CHCHD3: variants seen among roughly 807,000 people sequenced by gnomAD.
CHCHD3 encodes the protein MICOS complex subunit MIC19.
Under a neutral mutation model 38.2 loss-of-function variants are expected in CHCHD3, and 20 were observed. The ratio of observed to expected loss-of-function variants is 0.52; its 90% confidence interval spans 0.37 to 0.76. The LOEUF is 0.76. Ranked by LOEUF, CHCHD3 falls within the 30% of genes least tolerant of loss-of-function variation. CHCHD3 has a pLI of 0.00. For missense variants in CHCHD3, 245 were observed against 279.2 expected, an observed-to-expected ratio of 0.88 and a Z score of 0.87; for synonymous variants, 82 against 100.0, an observed-to-expected ratio of 0.82 and a Z score of 1.07.
intron 3 of CHCHD3, among the ~76,000 whole-genome samples, chr7:133,017,857 C>A (rs907480249): frequency 1.3e-5 from 2 of 152,192 alleles, no homozygotes; most frequent in African/African-American, 4.8e-5. Context: ...TATAAAAAAG[C>A]AGTTGGCTAT....
At chr7:132,859,875 C>T (rs1808437955) in intron 5 of CHCHD3, among the ~76,000 whole-genome samples, 1 of 152,206 alleles carries the variant, frequency 6.6e-6, no homozygotes, top group African/African-American at 2.4e-5. Flanking sequence ...TGACAACTCC[C>T]AGATCTATAT....
At chr7:133,034,936 G>T (rs1259984431) in intron 2 of CHCHD3, 1 of 1,604,104 alleles carries the variant, frequency 6.2e-7, no homozygotes. Flanking sequence ...AGTTCTTCAG[G>T]GAAGCGATAC....
At chr7:132,866,556 A>G (rs1477056507) in intron 5 of CHCHD3, among the ~76,000 whole-genome samples, 1 of 152,172 alleles carries the variant, frequency 6.6e-6, no homozygotes, top group Non-Finnish European at 1.5e-5. Flanking sequence ...AAGGTGTGTA[A>G]AGTCACAGAG....
chr7:132,972,032 G>C (rs1017793857), intron 4 of CHCHD3, among the ~76,000 whole-genome samples: 1 of 152,076 alleles, frequency 6.6e-6, no homozygotes, highest in African/African-American at 2.4e-5. Context: ...GGAGGGTGGT[G>C]GGATACATAA....
intron 4 of CHCHD3, among the ~76,000 whole-genome samples, chr7:132,938,971 C>A (rs1206938352): frequency 6.6e-6 from 1 of 152,146 alleles, no homozygotes; most frequent in Non-Finnish European, 1.5e-5. Context: ...GGAAACAGTA[C>A]CTGCTAAGAA....
intron 6 of CHCHD3, among the ~76,000 whole-genome samples, chr7:132,810,887 G>C (rs1807053926): frequency 6.6e-6 from 1 of 151,956 alleles, no homozygotes; most frequent in African/African-American, 2.4e-5. Flanking sequence ...CAAAACTAGG[G>C]AAACTAGAAT....
chr7:132,887,606 C>T (rs906300476), intron 4 of CHCHD3, among the ~76,000 whole-genome samples: 2 of 149,052 alleles, frequency 1.3e-5, no homozygotes, highest in South Asian at 2.2e-4. Flanking sequence ...CCTCATCCCC[C>T]ACTCCTCTCC....
At chr7:132,984,864 C>T (rs1233129004) in intron 3 of CHCHD3, among the ~76,000 whole-genome samples, 1 of 111,146 alleles carries the variant, frequency 9.0e-6, no homozygotes, top group Non-Finnish European at 2.0e-5. Flanking sequence ...GGGTCAGCCC[C>T]CCACCCGGCC....
chr7:132,818,104 C>T (rs1406016857), intron 6 of CHCHD3, among the ~76,000 whole-genome samples: 2 of 152,116 alleles, frequency 1.3e-5, no homozygotes, highest in Non-Finnish European at 2.9e-5. Flanking sequence ...GCTATGGTTA[C>T]AATTGCACCG....
chr7:132,813,384 A>G (rs1454895495), intron 6 of CHCHD3: 1 of 152,232 alleles, frequency 6.6e-6, no homozygotes, highest in Non-Finnish European at 1.5e-5. Context: ...AGGATCTAGC[A>G]TCTAAAATAT....
chr7:132,940,131 A>G (rs1158381695), intron 4 of CHCHD3, among the ~76,000 whole-genome samples: 2 of 152,242 alleles, frequency 1.3e-5, no homozygotes, highest in African/African-American at 4.8e-5. Context: ...GTTACAAATA[A>G]AGACTAGATT....
At chr7:133,032,984 C>T (rs1813543277) in intron 2 of CHCHD3, among the ~76,000 whole-genome samples, 1 of 152,080 alleles carries the variant, frequency 6.6e-6, no homozygotes, top group Admixed American at 6.6e-5. Flanking sequence ...CCATTTCACG[C>T]AAATGGTCCT....
At chr7:132,883,373 A>G (rs1402918907) in intron 5 of CHCHD3, among the ~76,000 whole-genome samples, 3 of 152,186 alleles carry the variant, frequency 2.0e-5, no homozygotes, top group African/African-American at 7.2e-5. Context: ...TATATGAAAC[A>G]ACTGAGAGGA....
In CHCHD3 at chr7:133,026,984, T is replaced by C. The variant is rs530005362; in HGVS notation, c.170-2357A>G. Among the ~76,000 whole-genome samples, 254 of 151,830 alleles carry C rather than the reference T, an allele frequency of 1.7e-3. 2 individuals are homozygous for C. Among genetic ancestry groups the C allele is most frequent in the African/African-American group, 5.8e-3 (241 of 41,412 alleles). The stretch of plus-strand genomic sequence containing the variant: ...ACTGAGTCTTGCTCTGTTGCCCAGG[T>C]TGGAGTGCAGTGCCGTGATCTTGGC... On this transcript the variant is annotated intron_variant, in intron 2 of 7. Transcript: ENST00000262570.
intron 4 of CHCHD3, among the ~76,000 whole-genome samples, chr7:132,897,323 T>C (rs1010253455): frequency 1.3e-5 from 2 of 152,224 alleles, no homozygotes; most frequent in African/African-American, 2.4e-5. Context: ...TGGAGACAAT[T>C]ACCGCACAAC....
At chr7:132,989,072 A>G (rs955539465) in intron 3 of CHCHD3, among the ~76,000 whole-genome samples, 4 of 152,196 alleles carry the variant, frequency 2.6e-5, no homozygotes, top group Admixed American at 1.3e-4. Flanking sequence ...TACACCAGTT[A>G]TATGCAAGTA....
rs182273864 is a variant in CHCHD3 at position 132,893,083 on chromosome 7, A to C, written c.370-7338T>G. Among the ~76,000 whole-genome samples, 11 of 152,332 alleles carry C rather than the reference A, an allele frequency of 7.2e-5. No individual in the cohort carries two copies. The East Asian group carries it at 1.7e-3, about 24-fold the overall frequency. Reference sequence around the variant, plus strand: ...AGACCCCAGAATGGTAGATCCACTGACAGCTTGCACAGTGCACCTGGAAAC... The same window carrying C: ...AGACCCCAGAATGGTAGATCCACTGCCAGCTTGCACAGTGCACCTGGAAAC... On this transcript the variant is annotated intron_variant, in intron 4 of 7. Coordinates refer to ENST00000262570, the MANE Select transcript of CHCHD3 (RefSeq NM_017812.4).
intron 4 of CHCHD3, among the ~76,000 whole-genome samples, chr7:132,963,418 T>C (rs1442026051): frequency 3.1e-5 from 4 of 129,794 alleles, no homozygotes; most frequent in Non-Finnish European, 4.6e-5. Context: ...GATCACGAGG[T>C]CGGGAGATCG....
intron 2 of CHCHD3, among the ~76,000 whole-genome samples, chr7:133,059,166 G>T (rs1022527134): frequency 6.6e-6 from 1 of 152,188 alleles, no homozygotes; most frequent in African/African-American, 2.4e-5. Context: ...CAAGTGAGAA[G>T]CTGAGATCAG....
Sources: gnomAD v4.1 joint callset for allele counts (sites outside exome capture counted in the v4.1 genomes callset) on GRCh38, gnomAD v4.1.1 for gene constraint, MANE v1.5 for transcripts, NCBI Gene and HGNC (gene_info 2026-07-23, HGNC 2026-07-21) for gene names.